MOK: variants seen among roughly 807,000 people sequenced by gnomAD.
MOK encodes MOK protein kinase, also known as MAPK/MAK/MRK overlapping kinase.
MOK carries 59 observed loss-of-function variants against 54.2 expected under a neutral mutation model. The observed-to-expected ratio is 1.09, with a 90% CI of 0.88 to 1.35. The LOEUF (loss-of-function observed/expected upper bound fraction) is 1.35. Ranked by LOEUF, MOK falls within the 40% of genes most tolerant of loss-of-function variation. MOK has a pLI of 0.00. For synonymous variants in MOK, 210 were observed against 202.7 expected, an observed-to-expected ratio of 1.04 and a Z score of -0.31; for missense variants, 517 against 526.2, an observed-to-expected ratio of 0.98 and a Z score of 0.17.
intron 1 of MOK, among the ~76,000 whole-genome samples, chr14:102,294,429 G>C (rs1597615734): frequency 6.8e-6 from 1 of 147,864 alleles, no homozygotes; most frequent in African/African-American, 2.5e-5. Context: ...CAGGGTGATA[G>C]AGCGAGACTC....
At chr14:102,243,685 G>A (rs187349208) in intron 7 of MOK, among the ~76,000 whole-genome samples, 4 of 151,978 alleles carry the variant, frequency 2.6e-5, no homozygotes, top group Admixed American at 6.6e-5. Flanking sequence ...ACTTCAATCC[G>A]GCCTCCCACA....
intron 2 of MOK, chr14:102,283,028 T>C (rs2069620555): frequency 8.2e-6 from 1 of 122,496 alleles, no homozygotes; most frequent in African/African-American, 3.4e-5. Context: ...CACTCCAGCC[T>C]GGGAGACAGA....
chr14:102,251,935 G>A lies in MOK; in HGVS notation c.344C>T (p.Ser115Phe), dbSNP rs988500240. Residue 115 changes from serine to phenylalanine, a missense_variant, in exon 5 of 12, where the codon TCC becomes TTC. Ser to Phe is a radical substitution (Grantham distance 155). Transcript: ENST00000361847. ...IMHYMYQLCK[S>F]LDHIHRNGIF... Reference sequence around the variant, plus strand: ...AGCATACCTGTGAATATGATCCAGGGACTTACATAACTGGTACATATAGTG... The same window carrying A: ...AGCATACCTGTGAATATGATCCAGGAACTTACATAACTGGTACATATAGTG... 4 of 1,605,042 alleles carry A rather than the reference G, an allele frequency of 2.5e-6. No homozygotes were observed. The African/African-American group carries it at 5.4e-5, about 22-fold the overall frequency.
intron 1 of MOK, among the ~76,000 whole-genome samples, chr14:102,291,782 C>T (rs1210170898): frequency 6.6e-6 from 1 of 151,894 alleles, no homozygotes; most frequent in African/African-American, 2.4e-5. Context: ...CATGGTGAAA[C>T]CCCATCTCTA....
downstream of MOK, chr14:102,222,687 T>TG: frequency 1.3e-6 from 1 of 786,738 alleles, no homozygotes; most frequent in Non-Finnish European, 2.2e-6. The surrounding 1 kb of genome is among the most constrained non-coding windows in gnomAD (Gnocchi z 4.4). Context: ...ATTAAATAGA[T>TG]GAAGTGGAGG....
intron 7 of MOK, among the ~76,000 whole-genome samples, chr14:102,248,756 C>T (rs147049853): frequency 0.041 from 5,695 of 138,298 alleles, 124 homozygotes; most frequent in Non-Finnish European, 0.058. Flanking sequence ...CCAGTCTGGG[C>T]GACAGAGCAA....
At chr14:102,263,369 G>A (rs902010162) in intron 4 of MOK, among the ~76,000 whole-genome samples, 177 bp downstream of exon 4, 11 of 152,266 alleles carry the variant, frequency 7.2e-5, no homozygotes, top group African/African-American at 2.4e-4. Context: ...TTGCAGCCAT[G>A]TTCTGAGTAG....
intron 1 of MOK, among the ~76,000 whole-genome samples, chr14:102,302,135 C>T (rs1436394637): frequency 6.8e-6 from 1 of 147,442 alleles, no homozygotes; most frequent in Non-Finnish European, 1.5e-5. Context: ...TGCAGTAGTG[C>T]GATCTCAGCT....
At chr14:102,292,058 G>A (rs186485656) in intron 1 of MOK, among the ~76,000 whole-genome samples, 9 of 152,022 alleles carry the variant, frequency 5.9e-5, no homozygotes, top group Admixed American at 5.2e-4. Flanking sequence ...TCATTAAGAC[G>A]TAATCCCTAG....
At chr14:102,288,894 C>CATTTA (rs2070434641) in intron 1 of MOK, among the ~76,000 whole-genome samples, 2 of 152,038 alleles carry the variant, frequency 1.3e-5, no homozygotes. Flanking sequence ...AATGTAAGTG[C>CATTTA]AGCTTTGTTT....
chr14:102,252,439 G>A (rs1216417230), intron 4 of MOK, among the ~76,000 whole-genome samples: 1 of 151,100 alleles, frequency 6.6e-6, no homozygotes, highest in Non-Finnish European at 1.5e-5. Context: ...TGGGCAACAG[G>A]AGCAAAACTC....
intron 3 of MOK, among the ~76,000 whole-genome samples, chr14:102,264,877 C>G (rs2067774356): frequency 6.6e-6 from 1 of 152,214 alleles, no homozygotes; most frequent in Non-Finnish European, 1.5e-5. Context: ...TGCACCCTCT[C>G]AGAGTGTCAG....
At position 102,287,754 on chromosome 14, in the gene MOK, T is replaced by C. The variant is rs116835080; in HGVS notation, c.8-4162A>G. On this transcript the variant is annotated intron_variant, in intron 1 of 11. Coordinates refer to ENST00000361847, the MANE Select transcript of MOK (RefSeq NM_014226.3). ...GGATGTGGAGAAATTGGGACCCTCA[T>C]ACATTGCTGGCAGGAATGGAAAATG... Among the ~76,000 whole-genome samples the C allele has an allele frequency of 4.0e-3, 607 of 151,382 alleles. 4 individuals are homozygous for C. The highest frequency in any genetic ancestry group is 0.014 in the African/African-American group (559 of 41,232).
downstream of MOK, chr14:102,224,729 C>T (rs1243430754): frequency 4.4e-6 from 2 of 455,922 alleles, no homozygotes; most frequent in Admixed American, 4.7e-5. Flanking sequence ...AGTTCTCAGC[C>T]TGCCCCACTC....
chr14:102,263,252 G>A (rs192242452), intron 4 of MOK, among the ~76,000 whole-genome samples: 23 of 152,270 alleles, frequency 1.5e-4, no homozygotes, highest in Non-Finnish European at 2.6e-4. Context: ...ACATGCCCAC[G>A]GCGGGGCTGG....
At chr14:102,268,689 G>A (rs1411015139) in intron 2 of MOK, among the ~76,000 whole-genome samples, 2 of 152,134 alleles carry the variant, frequency 1.3e-5, no homozygotes, top group Admixed American at 1.3e-4. Context: ...GCCGAGGCGG[G>A]TGGATCATGA....
chr14:102,264,314 T>TA (rs2067723340), intron 3 of MOK: 1 of 151,568 alleles, frequency 6.6e-6, no homozygotes, highest in South Asian at 2.1e-4. Context: ...GTAATTGGGA[T>TA]AAATCACAAT....
At position 102,285,097 on chromosome 14, in the gene MOK, A is replaced by AAG. The variant is rs1555431619; in HGVS notation, c.8-1506_8-1505insCT. On this transcript the variant is annotated intron_variant, in intron 1 of 11. Coordinates refer to ENST00000361847, the MANE Select transcript of MOK (RefSeq NM_014226.3). Reference sequence around the variant, plus strand: ...GATGTCATCTCAAAAAAAAAAAAAAAAAAGAAAATGCAGGCTTGAGAACTA... The same window carrying AAG: ...GATGTCATCTCAAAAAAAAAAAAAAAAGAAAGAAAATGCAGGCTTGAGAACTA... Among the ~76,000 whole-genome samples, 638 of 151,814 alleles carry AAG rather than the reference A, an allele frequency of 4.2e-3. 7 individuals carry two copies. The highest frequency in any genetic ancestry group is 0.014 in the African/African-American group (591 of 41,274).
rs761888521 is a variant in MOK, at chr14:102,294,241, TC to T, written c.8-10650del. 3.7e-4 allele frequency among the ~76,000 whole-genome samples: 57 copies of T among 152,070 alleles called. 1 individual carries two copies. Among genetic ancestry groups the T allele is most frequent in the African/African-American group, 1.3e-3 (55 of 41,396 alleles). ...GCGGGCGGATCACGAGGTCAGGAGA[TC>T]AACACCATCCTGGCTAACATGGTGA... On this transcript the variant is annotated intron_variant, in intron 1 of 11. Transcript: ENST00000361847.
Sources: gnomAD v4.1 joint callset for allele counts (sites outside exome capture counted in the v4.1 genomes callset) on GRCh38, gnomAD v4.1.1 for gene constraint, Gnocchi (gnomAD v3.1) non-coding constraint, MANE v1.5 for transcripts, NCBI Gene and HGNC (gene_info 2026-07-23, HGNC 2026-07-21) for gene names.